Variants in SEMA5B observed in about 807,000 individuals in gnomAD.
SEMA5B encodes semaphorin 5B, also known as semaphorin-5B.
A neutral mutation model predicts 135.0 loss-of-function variants in SEMA5B; 66 were observed. The ratio of observed to expected loss-of-function variants is 0.49; its 90% CI spans 0.40 to 0.60. The LOEUF is 0.60. Ranked by LOEUF, SEMA5B falls within the 20% of genes least tolerant of loss-of-function variation. The probability of loss-of-function intolerance (pLI) is 0.00; values close to 1 mark genes in which losing one functional copy is unlikely to be tolerated. For missense variants in SEMA5B, 1,501 were observed against 1,566.3 expected (o/e 0.96, Z 0.70); for synonymous variants, 690 against 639.5 (o/e 1.08, Z -1.19).
chr3:123,023,426 G>T (rs945288760), intron 1 of SEMA5B, among the ~76,000 whole-genome samples: 1 of 152,078 alleles, frequency 6.6e-6, no homozygotes, highest in Non-Finnish European at 1.5e-5. Flanking sequence ...ACCCACTGGG[G>T]TTTAGATCTT....
intron 3 of SEMA5B, among the ~76,000 whole-genome samples, chr3:122,945,912 G>A (rs943431641): frequency 6.6e-6 from 1 of 152,098 alleles, no homozygotes; most frequent in South Asian, 2.1e-4. Context: ...ATGGGCAAGG[G>A]GGATGGGGGA....
At position 122,911,516 on chromosome 3, in the gene SEMA5B, G is replaced by T; in HGVS notation, c.3066C>A (p.Ser1022Arg). 6.2e-7 allele frequency: 1 copy of T among 1,610,354 alleles called. No individual in the cohort carries two copies. The highest frequency in any genetic ancestry group is 1.1e-5 in the South Asian group (1 of 89,720). Residue 1022 changes from serine to arginine, a missense_variant, in exon 21 of 23, where the codon AGC becomes AGA. Ser to Arg is a moderately radical substitution (Grantham distance 110). Around this residue, in one of 2 missense-constraint regions of SEMA5B, gnomAD observed 927 missense variants for 881.6 expected, o/e 1.05. Coordinates refer to ENST00000357599, the MANE Select transcript of SEMA5B (RefSeq NM_001031702.4). ...SEIPVILPAS[S>R]MEEATDCAGF... The stretch of plus-strand genomic sequence containing the variant: ...CTGCACAGTCGGTGGCCTCCTCCAT[G>T]CTGGAGGCTGGCAGGATGACTGCAG...
chr3:123,005,962 T>G (rs771859906), intron 1 of SEMA5B, among the ~76,000 whole-genome samples: 3 of 152,228 alleles, frequency 2.0e-5, no homozygotes, highest in Non-Finnish European at 4.4e-5. Flanking sequence ...ACCACCTGTG[T>G]GACTTTGGAG....
At chr3:122,943,616 G>C in intron 3 of SEMA5B, 81 bp from the exon 4 acceptor site, 1 of 1,068,590 alleles carries the variant, frequency 9.4e-7, no homozygotes, top group Non-Finnish European at 1.4e-6. Flanking sequence ...CAGAACAGAA[G>C]GGTGAAAGTC....
At chr3:123,026,988 C>A (rs553933845) in intron 1 of SEMA5B, 1 of 153,608 alleles carries the variant, frequency 6.5e-6, no homozygotes, top group African/African-American at 2.4e-5. Flanking sequence ...CGTCCCTGAG[C>A]GGGAGATTTC....
chr3:122,969,027 C>G (rs889369182), intron 1 of SEMA5B, among the ~76,000 whole-genome samples: 1 of 152,204 alleles, frequency 6.6e-6, no homozygotes, highest in Admixed American at 6.5e-5. Context: ...GGGTTCTGTG[C>G]TCGAATAATT....
chr3:123,012,814 C>T (rs1942466361), intron 1 of SEMA5B, among the ~76,000 whole-genome samples: 1 of 152,210 alleles, frequency 6.6e-6, no homozygotes, highest in African/African-American at 2.4e-5. Flanking sequence ...CCAGCCAGGC[C>T]ACACCAGAAT....
At chr3:122,977,318 C>G (rs1279212653) in intron 1 of SEMA5B, among the ~76,000 whole-genome samples, 1 of 152,192 alleles carries the variant, frequency 6.6e-6, no homozygotes, top group Admixed American at 6.5e-5. Flanking sequence ...GTTGCAGGAT[C>G]GCTGAATAAT....
At chr3:122,991,858 A>G (rs1042327291) in intron 1 of SEMA5B, among the ~76,000 whole-genome samples, 1 of 152,194 alleles carries the variant, frequency 6.6e-6, no homozygotes, top group South Asian at 2.1e-4. Flanking sequence ...GGGAGATATA[A>G]GCAAAGACCA....
intron 2 of SEMA5B, among the ~76,000 whole-genome samples, chr3:122,956,294 G>T (rs1940299709): frequency 6.6e-6 from 1 of 152,236 alleles, no homozygotes; most frequent in Non-Finnish European, 1.5e-5. Context: ...TCACTCTTAT[G>T]GTGCCTGGAG....
At position 122,922,036 on chromosome 3, in the gene SEMA5B, C is replaced by T; in HGVS notation, c.1567G>A (p.Gly523Arg). The T allele has an allele frequency of 2.0e-6, 3 of 1,496,656 alleles. No homozygotes were observed. The highest frequency in any genetic ancestry group is 2.7e-6 in the Non-Finnish European group (3 of 1,124,716). The allele number at this position is 1,496,656 out of a possible 1,614,324, so 92.7% of individuals were successfully genotyped here. Residue 523 changes from glycine (G) to arginine (R), a missense_variant, in exon 12 of 23, where the codon GGG (glycine) becomes AGG (arginine). By Grantham distance (125) the Gly-to-Arg change is moderately radical. Around this residue, in one of 2 missense-constraint regions of SEMA5B, gnomAD observed 927 missense variants for 881.6 expected, o/e 1.05. Coordinates refer to ENST00000357599, the MANE Select transcript of SEMA5B (RefSeq NM_001031702.4). ...AGGCTGCGCAGGGGCTCGCGGCGCC[C>T]GGGGGGCAGCACGTGCAGCTCCTCC... ...YLEELHVLPPGRREPLRSLRI... is the reference protein window; with the variant it reads ...YLEELHVLPPRRREPLRSLRI...
At chr3:123,007,509 G>A (rs981325752) in intron 1 of SEMA5B, among the ~76,000 whole-genome samples, 13 of 152,204 alleles carry the variant, frequency 8.5e-5, no homozygotes, top group Non-Finnish European at 1.6e-4. Flanking sequence ...AGCAGTGTTA[G>A]AGGTGGAGCC....
intron 1 of SEMA5B, among the ~76,000 whole-genome samples, chr3:123,026,405 C>A (rs1220678264): frequency 7.1e-6 from 1 of 140,590 alleles, no homozygotes; most frequent in East Asian, 2.6e-4. Context: ...TCCCGCCTGG[C>A]GCGGCGGGCA....
At chr3:122,951,528 C>T (rs1940044900) in intron 2 of SEMA5B, among the ~76,000 whole-genome samples, 1 of 152,298 alleles carries the variant, frequency 6.6e-6, no homozygotes, top group Non-Finnish European at 1.5e-5. Context: ...TGTCGCCTTC[C>T]ACCTCCTCTC....
At chr3:123,008,512 G>A (rs943197032) in intron 1 of SEMA5B, among the ~76,000 whole-genome samples, 18 of 152,160 alleles carry the variant, frequency 1.2e-4, no homozygotes, top group Admixed American at 4.6e-4. Flanking sequence ...ATGGGTGGGT[G>A]GGATCTGAAT....
At chr3:122,939,575 G>C in intron 4 of SEMA5B, 105 bp from the exon 5 acceptor site, 1 of 818,300 alleles carries the variant, frequency 1.2e-6, no homozygotes, top group Non-Finnish European at 2.1e-6. Context: ...ACTGGGTGCT[G>C]ATTGCCTAGG....
At chr3:123,020,196 C>CG (rs34189037) in intron 1 of SEMA5B, among the ~76,000 whole-genome samples, 25 of 152,220 alleles carry the variant, frequency 1.6e-4, no homozygotes, top group African/African-American at 5.8e-4. Flanking sequence ...TGTCCAACCA[C>CG]GGGGGGTTTG....
chr3:122,942,141 A>G (rs1661412257), intron 4 of SEMA5B, among the ~76,000 whole-genome samples: 1 of 152,188 alleles, frequency 6.6e-6, no homozygotes, highest in Non-Finnish European at 1.5e-5. Flanking sequence ...TAAAAATTAA[A>G]AAATTAAAAG....
intron 1 of SEMA5B, among the ~76,000 whole-genome samples, chr3:122,964,703 C>A (rs149493408): frequency 6.6e-6 from 1 of 152,136 alleles, no homozygotes; most frequent in Admixed American, 6.5e-5. Flanking sequence ...TCCCTTTACC[C>A]TTTGCTGGTC....
Sources: gnomAD v4.1 joint callset for allele counts (sites outside exome capture counted in the v4.1 genomes callset) on GRCh38, gnomAD v4.1.1 for gene constraint, gnomAD v4.1.1 regional missense constraint, MANE v1.5 for transcripts, NCBI Gene and HGNC (gene_info 2026-07-23, HGNC 2026-07-21) for gene names.